The following SYT14 variants were observed in gnomAD, a reference collection of about 807,000 sequenced individuals.
SYT14 encodes the protein synaptotagmin 14.
Under a neutral mutation model 74.2 loss-of-function variants are expected in SYT14, and 32 were observed. That is an observed-to-expected ratio of 0.43 (90% CI 0.33 to 0.58). The LOEUF (loss-of-function observed/expected upper bound fraction) is 0.58, where lower values mean the gene tolerates loss of function less well. SYT14 is among the 20% of genes least tolerant of loss of function. The pLI, the probability that SYT14 is intolerant of heterozygous loss-of-function variation, is 0.05. For synonymous variants in SYT14, 298 were observed against 337.7 expected (o/e 0.88, Z 1.29); for missense variants, 791 against 981.8 (o/e 0.81, Z 2.60).
chr1:210,120,800 T>A (rs147384866), intron 7 of SYT14, among the ~76,000 whole-genome samples: 239 of 152,324 alleles, frequency 1.6e-3, no homozygotes, highest in African/African-American at 5.6e-3. Flanking sequence ...TTTTTGTTAG[T>A]CAGTTTACTT....
intron 2 of SYT14, among the ~76,000 whole-genome samples, chr1:210,011,487 C>T (rs912149217): frequency 6.6e-6 from 1 of 152,192 alleles, no homozygotes; most frequent in Non-Finnish European, 1.5e-5. Flanking sequence ...TCCTACCGTT[C>T]CTCCCGCCTC....
chr1:209,984,508 T>C (rs924092413), intron 2 of SYT14, among the ~76,000 whole-genome samples: 1 of 152,256 alleles, frequency 6.6e-6, no homozygotes, highest in Non-Finnish European at 1.5e-5. Context: ...TTAAAAATTT[T>C]TAAATAATAA....
chr1:209,958,007 C>A (rs1247625118), intron 2 of SYT14, among the ~76,000 whole-genome samples: 1 of 151,910 alleles, frequency 6.6e-6, no homozygotes, highest in Non-Finnish European at 1.5e-5. Context: ...CCTTCCTTAA[C>A]CCTAAGATCA....
intron 7 of SYT14, among the ~76,000 whole-genome samples, chr1:210,130,840 C>T (rs532497483): frequency 3.7e-4 from 57 of 152,194 alleles, no homozygotes; most frequent in African/African-American, 1.4e-3. Flanking sequence ...AGAGAATTCA[C>T]GATGAAGTTG....
intron 5 of SYT14, among the ~76,000 whole-genome samples, chr1:210,077,262 A>G (rs1488487664): frequency 6.6e-6 from 1 of 152,040 alleles, no homozygotes; most frequent in Non-Finnish European, 1.5e-5. Context: ...GAGATGCCAC[A>G]CACTTAAAAC....
intron 2 of SYT14, among the ~76,000 whole-genome samples, chr1:209,981,437 T>A (rs1279352081): frequency 7.2e-6 from 1 of 139,012 alleles, no homozygotes; most frequent in Non-Finnish European, 1.5e-5. Flanking sequence ...CTTTTTCTTT[T>A]TCTTTTTCTT....
At chr1:210,151,271 T>C (rs2083152445) in intron 7 of SYT14, among the ~76,000 whole-genome samples, 1 of 152,206 alleles carries the variant, frequency 6.6e-6, no homozygotes, top group Non-Finnish European at 1.5e-5. Flanking sequence ...AAATTAATGA[T>C]GAGATCTGCA....
At chr1:210,165,922 C>T (rs2083450634) in exon 10 of SYT14, 1 of 152,110 alleles carries the variant, frequency 6.6e-6, no homozygotes, top group Non-Finnish European at 1.5e-5. Context: ...TAGATATGTG[C>T]CATGTGTTGT....
intron 2 of SYT14, among the ~76,000 whole-genome samples, chr1:210,011,077 T>A (rs912668947): frequency 1.3e-5 from 2 of 152,220 alleles, no homozygotes; most frequent in East Asian, 1.9e-4. Flanking sequence ...TCAGTCTGCA[T>A]GATATCTAAT....
rs146101699 is a variant in SYT14, at chr1:209,991,816, C to T, written c.-485-21817C>T. Among the ~76,000 whole-genome samples, 1,455 of 148,126 alleles carry T rather than the reference C, an allele frequency of 9.8e-3. 14 individuals are homozygous for T. Among genetic ancestry groups the T allele is most frequent in the Non-Finnish European group, 0.014 (950 of 67,468 alleles). On this transcript the variant is annotated intron_variant, in intron 2 of 9. Coordinates refer to ENST00000637265, the Ensembl canonical transcript of SYT14. ...CTGCACTCCAGCCTGGGCGATAAAG[C>T]GAGACTCCGTCTCGAGAAAAAAAAA...
chr1:210,138,358 C>T (rs955101233), intron 7 of SYT14, among the ~76,000 whole-genome samples: 2 of 152,162 alleles, frequency 1.3e-5, no homozygotes, highest in Non-Finnish European at 2.9e-5. Context: ...ATTCAATTAC[C>T]TCGCACCAGT....
At chr1:209,974,071 T>C (rs537319111) in intron 2 of SYT14, among the ~76,000 whole-genome samples, 108 of 152,204 alleles carry the variant, frequency 7.1e-4, no homozygotes, top group African/African-American at 2.6e-3. Flanking sequence ...TTTTTTTTCC[T>C]TGTAAATTTG....
intron 5 of SYT14, among the ~76,000 whole-genome samples, chr1:210,071,449 T>C (rs975911612): frequency 1.3e-5 from 2 of 151,960 alleles, no homozygotes; most frequent in Non-Finnish European, 2.9e-5. Context: ...AATAATATAA[T>C]TCCTGTGAAT....
chr1:209,953,461 C>T (rs963775190), intron 2 of SYT14, among the ~76,000 whole-genome samples: 6 of 152,172 alleles, frequency 3.9e-5, no homozygotes, highest in Admixed American at 3.3e-4. Flanking sequence ...ACTTGGGGCA[C>T]TTTCTTTTCT....
chr1:210,070,556 C>T (rs2081373366), intron 5 of SYT14, among the ~76,000 whole-genome samples: 1 of 152,066 alleles, frequency 6.6e-6, no homozygotes, highest in South Asian at 2.1e-4. Context: ...TTTTCCCTTT[C>T]CCTGTTATAA....
At chr1:210,080,095 T>TA (rs1307184046) in intron 5 of SYT14, among the ~76,000 whole-genome samples, 4 of 152,224 alleles carry the variant, frequency 2.6e-5, no homozygotes, top group Non-Finnish European at 5.9e-5. Context: ...GAATACCAAT[T>TA]ATCTTTTTAA....
chr1:209,938,778 G>T (rs183728969), intron 1 of SYT14, among the ~76,000 whole-genome samples: 29 of 152,132 alleles, frequency 1.9e-4, no homozygotes, highest in Non-Finnish European at 4.0e-4. Flanking sequence ...CCCTGTGCCC[G>T]CTCGGGCTGA....
intron 7 of SYT14, among the ~76,000 whole-genome samples, chr1:210,116,479 C>T (rs1036198150): frequency 1.3e-5 from 2 of 152,104 alleles, no homozygotes; most frequent in African/African-American, 4.8e-5. Context: ...CCCAAGTTGC[C>T]AGGACCATAG....
intron 5 of SYT14, among the ~76,000 whole-genome samples, chr1:210,064,894 G>A (rs1181469294): frequency 1.3e-5 from 2 of 152,004 alleles, no homozygotes; most frequent in Non-Finnish European, 2.9e-5. Flanking sequence ...ATGCATGAGG[G>A]TTCCAATTCC....
Sources: gnomAD v4.1 joint callset for allele counts (sites outside exome capture counted in the v4.1 genomes callset) on GRCh38, gnomAD v4.1.1 for gene constraint, MANE v1.5 for transcripts, NCBI Gene and HGNC (gene_info 2026-07-23, HGNC 2026-07-21) for gene names.